The following SLC38A8 variants were observed in gnomAD, a reference collection of about 807,000 sequenced individuals.
The protein encoded by SLC38A8 is amino acid transporter SLC38A8.
A neutral mutation model predicts 46.0 loss-of-function variants in SLC38A8; 65 were observed. The observed-to-expected ratio is 1.41, with a 90% confidence interval of 1.16 to 1.74. The LOEUF (loss-of-function observed/expected upper bound fraction) is 1.74. SLC38A8 is among the 40% of genes most tolerant of loss of function. SLC38A8 has a pLI of 0.00. For synonymous variants in SLC38A8, 447 were observed against 243.7 expected, an observed-to-expected ratio of 1.83 and a Z score of -7.77; for missense variants, 998 against 567.9, an observed-to-expected ratio of 1.76 and a Z score of -7.70.
chr16:84,042,191 C>A (rs1355215838), intron 1 of SLC38A8, 32 bp from the exon 2 acceptor site: 1 of 1,581,062 alleles, frequency 6.3e-7, no homozygotes, highest in Non-Finnish European at 8.6e-7. Context: ...AGAGAAAGCA[C>A]AGTCTTCACG....
chr16:84,019,004 G>T (rs978330418), intron 7 of SLC38A8, among the ~76,000 whole-genome samples: 1 of 152,116 alleles, frequency 6.6e-6, no homozygotes, highest in Non-Finnish European at 1.5e-5. Flanking sequence ...GCCTCTCCCA[G>T]AGGAATTTTT....
At chr16:84,021,887 T>G (rs1213226700) in intron 7 of SLC38A8, among the ~76,000 whole-genome samples, 1 of 152,232 alleles carries the variant, frequency 6.6e-6, no homozygotes, top group Non-Finnish European at 1.5e-5. Context: ...AGCCCTGAAG[T>G]GGCGCGCAGA....
At chr16:84,040,744 G>A (rs976089102) in intron 2 of SLC38A8, among the ~76,000 whole-genome samples, 3 of 152,042 alleles carry the variant, frequency 2.0e-5, no homozygotes, top group East Asian at 1.9e-4. Context: ...AGAGGCTTCC[G>A]ACCACGCCAT....
chr16:84,021,491 C>G (rs1233648710), intron 7 of SLC38A8, among the ~76,000 whole-genome samples: 2 of 152,214 alleles, frequency 1.3e-5, no homozygotes, highest in Admixed American at 6.5e-5. Flanking sequence ...TTCCTCAGTT[C>G]CGTCTGAAAC....
In SLC38A8 at chr16:84,009,755, G is replaced by A; in HGVS notation, c.*29C>T. On this transcript the variant is annotated 3_prime_UTR_variant, in exon 11 of 11. Coordinates refer to ENST00000299709, the MANE Select transcript of SLC38A8 (RefSeq NM_001080442.3). ...GCCACGTAGGGTCAGCCCCCGGAGGGCCCCTTCCTGCCCGGCACTAGCTGC... is the reference window on the plus strand; with the variant it reads ...GCCACGTAGGGTCAGCCCCCGGAGGACCCCTTCCTGCCCGGCACTAGCTGC... The A allele has an allele frequency of 1.2e-6, 2 of 1,601,510 alleles. No individual in the cohort carries two copies. Among genetic ancestry groups the A allele is most frequent in the Non-Finnish European group, 1.7e-6 (2 of 1,172,806 alleles).
chr16:84,033,601 C>A, intron 3 of SLC38A8, 132 bp from the exon 4 acceptor site: 2 of 1,038,804 alleles, frequency 1.9e-6, no homozygotes, highest in East Asian at 2.7e-5. Flanking sequence ...AGGGATCAGA[C>A]GACAAGTGAG....
chr16:84,022,961 T>A, intron 6 of SLC38A8, 72 bp from the exon 7 acceptor site: 2 of 1,104,350 alleles, frequency 1.8e-6, no homozygotes, highest in African/African-American at 1.6e-5. Context: ...AAAACTCATA[T>A]CCAAAAGGCG....
At chr16:84,034,776 C>T (rs1186225821) in intron 3 of SLC38A8, among the ~76,000 whole-genome samples, 2 of 152,104 alleles carry the variant, frequency 1.3e-5, no homozygotes, top group East Asian at 1.9e-4. Flanking sequence ...GCACCGAGAT[C>T]GTGGGTGAGT....
Position 84,017,336 on chromosome 16 carries a change from GC to G in SLC38A8, c.806-50del, listed in dbSNP as rs753403239. ...CCACAGAGTGGATTAGGAAAATGCTGCCCCCTCCCCCACCAACAGACAGACA... is the reference window on the plus strand; with the variant it reads ...CCACAGAGTGGATTAGGAAAATGCTGCCCCTCCCCCACCAACAGACAGACA... On this transcript the variant is annotated intron_variant, in intron 7 of 10. Transcript: ENST00000299709. The G allele has an allele frequency of 2.0e-4, 325 of 1,600,926 alleles. No individual in the cohort carries two copies. The African/African-American group carries it at 4.0e-3, about 20-fold the overall frequency.
intron 3 of SLC38A8, among the ~76,000 whole-genome samples, chr16:84,036,182 C>T (rs1431656040): frequency 6.6e-6 from 1 of 152,348 alleles, no homozygotes; most frequent in African/African-American, 2.4e-5. Context: ...AAACATCTCA[C>T]AAGTCAAAGA....
intron 6 of SLC38A8, 78 bp downstream of exon 6, chr16:84,029,416 C>A (rs2085210360): frequency 2.0e-6 from 3 of 1,514,212 alleles, no homozygotes; most frequent in African/African-American, 2.8e-5. Context: ...ACAGAGAAAC[C>A]AAGGTTTCCC....
chr16:84,015,425 C>G lies in SLC38A8; in HGVS notation c.1162+1094G>C, dbSNP rs530655888. ...GCCTGGAGGCAGGAGGGAAGGGAGACATTTGCAGGGTGCCTTGAGCCACGT... is the reference window on the plus strand; with the variant it reads ...GCCTGGAGGCAGGAGGGAAGGGAGAGATTTGCAGGGTGCCTTGAGCCACGT... On this transcript the variant is annotated intron_variant, in intron 9 of 10. Transcript: ENST00000299709. 1.3e-3 allele frequency among the ~76,000 whole-genome samples: 204 copies of G among 152,156 alleles called. 1 individual carries two copies. Among genetic ancestry groups the G allele is most frequent in the African/African-American group, 4.6e-3 (192 of 41,526 alleles).
At chr16:84,019,343 G>A (rs2085069534) in intron 7 of SLC38A8, among the ~76,000 whole-genome samples, 1 of 151,942 alleles carries the variant, frequency 6.6e-6, no homozygotes, top group Non-Finnish European at 1.5e-5. Flanking sequence ...CATAATGCTG[G>A]GATTACAAGC....
chr16:84,017,427 C>T, intron 7 of SLC38A8, 140 bp from the exon 8 acceptor site: 1 of 978,742 alleles, frequency 1.0e-6, no homozygotes. Context: ...AGGGATAGCC[C>T]AAAGCTTTCC....
intron 5 of SLC38A8, among the ~76,000 whole-genome samples, chr16:84,030,136 G>C (rs993042830): frequency 6.6e-6 from 1 of 152,190 alleles, no homozygotes; most frequent in Non-Finnish European, 1.5e-5. Flanking sequence ...AAAACAGACA[G>C]AGAGAACATG....
At chr16:84,014,854 G>T (rs1307602436) in intron 9 of SLC38A8, among the ~76,000 whole-genome samples, 2 of 152,112 alleles carry the variant, frequency 1.3e-5, no homozygotes, top group Non-Finnish European at 2.9e-5. Flanking sequence ...ATTTCTCTGT[G>T]GCCCTCAATT....
chr16:84,025,959 C>T (rs2085159488), intron 6 of SLC38A8, among the ~76,000 whole-genome samples: 1 of 152,222 alleles, frequency 6.6e-6, no homozygotes, highest in African/African-American at 2.4e-5. Flanking sequence ...TGGGGCTCAC[C>T]CCACACTCTC....
chr16:84,033,444 G>A lies in SLC38A8; in HGVS notation c.414C>T (p.Thr138=). 1.2e-6 allele frequency: 2 copies of A among 1,609,776 alleles called. No individual in the cohort carries two copies. The highest frequency in any genetic ancestry group is 1.7e-6 in the Non-Finnish European group (2 of 1,178,210). Residue 138 remains threonine, a synonymous_variant, in exon 4 of 11, where the codon ACC becomes ACT. Transcript: ENST00000299709. The part of the protein sequence containing the change: ...EKLCDSLLSG[T]PPAPQPWYAD... ...CGTACCACGGCTGCGGGGCGGGCGG[G>A]GTGCCAGACAGGAGGGAGTCACACA...
At chr16:84,024,449 G>A (rs1050480890) in intron 6 of SLC38A8, among the ~76,000 whole-genome samples, 2 of 152,094 alleles carry the variant, frequency 1.3e-5, no homozygotes, top group East Asian at 3.9e-4. Flanking sequence ...TAAGTGCTGA[G>A]ATTACAAGTA....
Sources: allele counts gnomAD v4.1 joint callset (sites outside exome capture counted in the v4.1 genomes callset), GRCh38; gene constraint gnomAD v4.1.1; transcripts MANE v1.5; gene names NCBI Gene and HGNC (gene_info 2026-07-23, HGNC 2026-07-21).